MEGF6: variants seen among roughly 807,000 people sequenced by gnomAD.
The protein encoded by MEGF6 is multiple epidermal growth factor-like domains protein 6.
MEGF6 carries 184 observed loss-of-function variants against 207.1 expected under a neutral mutation model. The observed-to-expected ratio is 0.89, with a 90% CI of 0.79 to 1.00. The LOEUF is 1.00. Ranked by LOEUF, MEGF6 falls within the 50% of genes least tolerant of loss-of-function variation. MEGF6 has a pLI of 0.00. For synonymous variants in MEGF6, 1,038 were observed against 910.0 expected, an observed-to-expected ratio of 1.14 and a Z score of -2.53; for missense variants, 2,282 against 2,202.9, an observed-to-expected ratio of 1.04 and a Z score of -0.72.
In MEGF6 at chr1:3,505,184, G is replaced by A. The variant is rs890859060; in HGVS notation, c.2188+24C>T. 3.7e-6 allele frequency: 6 copies of A among 1,607,746 alleles called. No homozygotes were observed. The African/African-American group carries it at 6.7e-5, about 18-fold the overall frequency. On this transcript the variant is annotated intron_variant, in intron 17 of 36. Coordinates refer to ENST00000356575, the MANE Select transcript of MEGF6 (RefSeq NM_001409.4). Reference sequence around the variant, plus strand: ...CTACACCCCACAATGAGACTGCCGGGAGCCCCAGGGGCCGGCCACTCACCT... The same window carrying A: ...CTACACCCCACAATGAGACTGCCGGAAGCCCCAGGGGCCGGCCACTCACCT...
intron 7 of MEGF6, among the ~76,000 whole-genome samples, chr1:3,513,036 T>G (rs1486747725): frequency 2.0e-5 from 3 of 152,028 alleles, no homozygotes; most frequent in Admixed American, 6.6e-5. Context: ...GGGGCAGCGG[T>G]GTGTTCCAAA....
At chr1:3,599,359 G>C (rs1644123471) in intron 2 of MEGF6, among the ~76,000 whole-genome samples, 1 of 152,246 alleles carries the variant, frequency 6.6e-6, no homozygotes, top group Non-Finnish European at 1.5e-5. Flanking sequence ...GTGCCCTCGG[G>C]CTGTGGGGTG....
chr1:3,608,990 T>C (rs1644290560), intron 1 of MEGF6, among the ~76,000 whole-genome samples: 1 of 152,182 alleles, frequency 6.6e-6, no homozygotes, highest in Admixed American at 6.5e-5. Flanking sequence ...CCCCGGCTTC[T>C]AGCATTAACA....
intron 1 of MEGF6, among the ~76,000 whole-genome samples, chr1:3,608,357 T>G (rs148549527): frequency 7.8e-4 from 119 of 152,226 alleles, no homozygotes; most frequent in African/African-American, 2.8e-3. Flanking sequence ...GTGAAACTCA[T>G]GGCCCTAAGG....
Position 3,510,906 on chromosome 1 carries a change from T to TGCAG in MEGF6, c.1115-5_1115-4insCTGC. 4 of 1,598,636 alleles carry TGCAG rather than the reference T, an allele frequency of 2.5e-6. No individual in the cohort carries two copies. The highest frequency in any genetic ancestry group is 3.4e-6 in the Non-Finnish European group (4 of 1,168,640). On this transcript the variant is annotated splice_region_variant and splice_polypyrimidine_tract_variant and intron_variant, in intron 9 of 36. Transcript: ENST00000356575. ...CTGTCTGCACAGTCGTCGACATCTGTGGAGCACACGCCACGGGCCCCCTGG... is the reference window on the plus strand; with the variant it reads ...CTGTCTGCACAGTCGTCGACATCTGTGCAGGGAGCACACGCCACGGGCCCCCTGG...
chr1:3,525,823 C>T (rs1227778823), intron 4 of MEGF6, among the ~76,000 whole-genome samples: 4 of 152,254 alleles, frequency 2.6e-5, no homozygotes, highest in Non-Finnish European at 5.9e-5. Flanking sequence ...GTGCAGATGG[C>T]TTCGGGCTGC....
chr1:3,495,753 A>G, intron 30 of MEGF6, 137 bp downstream of exon 30: 1 of 1,119,178 alleles, frequency 8.9e-7, no homozygotes, highest in Non-Finnish European at 1.2e-6. Context: ...TCTCAGCCCC[A>G]GGGTCAAGTG....
chr1:3,577,829 GC>G (rs905619129), intron 4 of MEGF6, among the ~76,000 whole-genome samples: 3 of 152,204 alleles, frequency 2.0e-5, no homozygotes, highest in African/African-American at 7.2e-5. Context: ...TGGGCATGGA[GC>G]CCCCCCAACA....
chr1:3,578,405 A>G (rs1643700184), intron 4 of MEGF6, among the ~76,000 whole-genome samples: 1 of 152,176 alleles, frequency 6.6e-6, no homozygotes, highest in Non-Finnish European at 1.5e-5. Flanking sequence ...AGCCCACTCC[A>G]TCCTGTGTGG....
rs1047020579 is a variant in MEGF6, at chr1:3,510,904, T to C, written c.1115-2A>G. ...GGCTGTCTGCACAGTCGTCGACATC[T>C]GTGGAGCACACGCCACGGGCCCCCT... On this transcript the variant is annotated splice_acceptor_variant, in intron 9 of 36. Coordinates refer to ENST00000356575, the MANE Select transcript of MEGF6 (RefSeq NM_001409.4). LOFTEE classifies it high-confidence loss of function. 7.5e-6 allele frequency: 12 copies of C among 1,598,806 alleles called. No homozygotes were observed. The highest frequency in any genetic ancestry group is 1.0e-5 in the Non-Finnish European group (12 of 1,168,762).
rs761530679 is a variant in MEGF6, at chr1:3,507,803, C to G, written c.1781G>C (p.Cys594Ser). Residue 594 changes from cysteine (C) to serine (S), a missense_variant, in exon 14 of 37, where the codon TGT becomes TCT. Physicochemically the swap from Cys to Ser is moderately radical, Grantham distance 112. Transcript: ENST00000356575. ...GAAGAGGCTGCACGCACCATCCTCACAGTTAGTTCCACTGACACCCGGGGG... is the reference window on the plus strand; with the variant it reads ...GAAGAGGCTGCACGCACCATCCTCAGAGTTAGTTCCACTGACACCCGGGGG... ...RCPPGVSGTN[C>S]EDGCPKGYYG... The G allele has an allele frequency of 7.4e-6, 12 of 1,612,706 alleles. No individual in the cohort carries two copies. Among genetic ancestry groups the G allele is most frequent in the Non-Finnish European group, 8.5e-6 (10 of 1,179,920 alleles).
chr1:3,602,364 G>A, intron 2 of MEGF6, 102 bp downstream of exon 2: 1 of 1,528,832 alleles, frequency 6.5e-7, no homozygotes, highest in South Asian at 1.2e-5. Flanking sequence ...GTGGCCCTGA[G>A]ACCAGGACGG....
intron 2 of MEGF6, among the ~76,000 whole-genome samples, chr1:3,597,020 A>G (rs1644079051): frequency 6.6e-6 from 1 of 152,100 alleles, no homozygotes. Context: ...CATGCCCCCT[A>G]AAGTGAAAGA....
intron 4 of MEGF6, among the ~76,000 whole-genome samples, chr1:3,577,513 C>A (rs1570175277): frequency 6.6e-6 from 1 of 152,246 alleles, no homozygotes; most frequent in Non-Finnish European, 1.5e-5. Flanking sequence ...TTTCATGAAG[C>A]AAATGAAGTG....
At position 3,499,281 on chromosome 1, in the gene MEGF6, G is replaced by A. The variant is rs745973306; in HGVS notation, c.2966-15C>T. 17 of 1,596,588 alleles carry A rather than the reference G, an allele frequency of 1.1e-5. No individual in the cohort carries two copies. The highest frequency in any genetic ancestry group is 2.0e-4 in the Middle Eastern group (1 of 4,944). On this transcript the variant is annotated splice_polypyrimidine_tract_variant and intron_variant, in intron 23 of 36. Coordinates refer to ENST00000356575, the MANE Select transcript of MEGF6 (RefSeq NM_001409.4). ...GGCTGGGCAGGCTGCAGGTGGAGAGGGCTGGTCAGAGCCAGGGGTGGGCAG... is the reference window on the plus strand; with the variant it reads ...GGCTGGGCAGGCTGCAGGTGGAGAGAGCTGGTCAGAGCCAGGGGTGGGCAG...
intron 12 of MEGF6, 31 bp downstream of exon 12, chr1:3,509,044 A>G: frequency 6.6e-7 from 1 of 1,504,320 alleles, no homozygotes; most frequent in Non-Finnish European, 8.9e-7. Flanking sequence ...CCCTGCGAGC[A>G]GGAGCCCCCG....
At chr1:3,561,386 G>A (rs966624450) in intron 4 of MEGF6, among the ~76,000 whole-genome samples, 1 of 152,204 alleles carries the variant, frequency 6.6e-6, no homozygotes, top group Admixed American at 6.5e-5. Context: ...CAGGACCCCA[G>A]GGTGAAGAAG....
In MEGF6 at chr1:3,565,375, G is replaced by A. The variant is rs953147200; in HGVS notation, c.481+14450C>T. On this transcript the variant is annotated intron_variant, in intron 4 of 36. Coordinates refer to ENST00000356575, the MANE Select transcript of MEGF6 (RefSeq NM_001409.4). This position sits in a 1 kb window ranked among gnomAD's most constrained non-coding sequence, Gnocchi z 4.8. ...TCCTAGCTGGACCTTAAAACCCCCC[G>A]GGTCCTGGTGCCTGCTCTGGCCTCT... 2.0e-5 allele frequency among the ~76,000 whole-genome samples: 3 copies of A among 152,112 alleles called. No individual in the cohort carries two copies. The highest frequency in any genetic ancestry group is 2.0e-4 in the Admixed American group (3 of 15,280).
At chr1:3,583,159 C>T (rs368298028) in intron 3 of MEGF6, among the ~76,000 whole-genome samples, 1 of 152,160 alleles carries the variant, frequency 6.6e-6, no homozygotes, top group Admixed American at 6.5e-5. Flanking sequence ...TACTACGAGG[C>T]TCTAAAACAA....
Sources: gnomAD v4.1 joint callset for allele counts (sites outside exome capture counted in the v4.1 genomes callset) on GRCh38, gnomAD v4.1.1 for gene constraint, Gnocchi (gnomAD v3.1) non-coding constraint, MANE v1.5 for transcripts, NCBI Gene and HGNC (gene_info 2026-07-23, HGNC 2026-07-21) for gene names.